PRKN: variants seen among roughly 807,000 people sequenced by gnomAD.
PRKN encodes parkin RBR E3 ubiquitin protein ligase, also known as E3 ubiquitin-protein ligase parkin.
Under a neutral mutation model 59.5 loss-of-function variants are expected in PRKN, and 56 were observed. The observed-to-expected ratio is 0.94, with a 90% CI of 0.76 to 1.18. The LOEUF is 1.18. Among genes scored for constraint, PRKN ranks in the 50% most tolerant of loss-of-function variants. The probability of loss-of-function intolerance (pLI) is 0.00; values close to 1 mark genes in which losing one functional copy is unlikely to be tolerated. For synonymous variants in PRKN, 250 were observed against 222.1 expected (o/e 1.13, Z -1.12); for missense variants, 657 against 596.4 (o/e 1.10, Z -1.06).
chr6:161,710,525 A>C lies in PRKN; in HGVS notation c.871+75247T>G, dbSNP rs138480959. On this transcript the variant is annotated intron_variant, in intron 7 of 11. Coordinates refer to ENST00000366898, the MANE Select transcript of PRKN (RefSeq NM_004562.3). ...AAGAACATAGGCATGGAGTGTGTGC[A>C]TATCTGTGTGCATGTGTATATGACT... Among the ~76,000 whole-genome samples, 380 of 152,192 alleles carry C rather than the reference A, an allele frequency of 2.5e-3. 1 individual carries two copies. Among genetic ancestry groups the C allele is most frequent in the African/African-American group, 7.9e-3 (327 of 41,514 alleles).
intron 1 of PRKN, among the ~76,000 whole-genome samples, chr6:162,579,416 G>GCACA (rs35480393): frequency 0.1 from 15,427 of 150,020 alleles, 918 homozygotes; most frequent in Middle Eastern, 0.19. Flanking sequence ...ACAAGTTCAT[G>GCACA]CACACACACA....
chr6:162,607,921 T>C (rs1289685070), intron 1 of PRKN, among the ~76,000 whole-genome samples: 1 of 152,200 alleles, frequency 6.6e-6, no homozygotes, highest in Non-Finnish European at 1.5e-5. Context: ...TGATCAGAGA[T>C]GCCTAGCAAG....
rs1382729827 is a variant in PRKN, at chr6:161,730,566, TTTCTGATGTGTTGCA to T, written c.871+55191_871+55205del. On this transcript the variant is annotated intron_variant, in intron 7 of 11. Coordinates refer to ENST00000366898, the MANE Select transcript of PRKN (RefSeq NM_004562.3). ...TGTTGCATTCTGATATGTTGCATTCTTTCTGATGTGTTGCATTCTGATGTGTTGCATTCTTTCTGA... is the reference window on the plus strand; with the variant it reads ...TGTTGCATTCTGATATGTTGCATTCTTTCTGATGTGTTGCATTCTTTCTGA... Among the ~76,000 whole-genome samples, 224 of 151,780 alleles carry T rather than the reference TTTCTGATGTGTTGCA, an allele frequency of 1.5e-3. 13 individuals are homozygous for T. Among genetic ancestry groups the T allele is most frequent in the African/African-American group, 5.3e-3 (217 of 41,070 alleles).
In PRKN at chr6:161,548,750, G is replaced by T; in HGVS notation, c.1083+104C>A. 2 of 1,107,210 alleles carry T rather than the reference G, an allele frequency of 1.8e-6. No individual in the cohort carries two copies. Among genetic ancestry groups the T allele is most frequent in the Middle Eastern group, 3.0e-4 (1 of 3,330 alleles). 68.6% of individuals were successfully genotyped at this position (1,107,210 alleles called of 1,614,324 possible). Reference sequence around the variant, plus strand: ...TATATGTAAGTTCAAAGATGTCTAAGTCCAAAGGGAAAATGAAAATAAAAT... The same window carrying T: ...TATATGTAAGTTCAAAGATGTCTAATTCCAAAGGGAAAATGAAAATAAAAT... On this transcript the variant is annotated intron_variant, in intron 9 of 11. Transcript: ENST00000366898. The surrounding 1 kb of genome is among the most constrained non-coding windows in gnomAD (Gnocchi z 4.2).
At position 161,529,868 on chromosome 6, in the gene PRKN, C is replaced by T. The variant is rs2115380303; in HGVS notation, c.1083+18986G>A. On this transcript the variant is annotated intron_variant, in intron 9 of 11. Transcript: ENST00000366898. The surrounding 1 kb of genome is among the most constrained non-coding windows in gnomAD (Gnocchi z 4.4). Reference sequence around the variant, plus strand: ...ACATTTTGATGATGAAGAAAAATACCACTTGACACAAATTAATGTCAATCC... The same window carrying T: ...ACATTTTGATGATGAAGAAAAATACTACTTGACACAAATTAATGTCAATCC... 6.6e-6 allele frequency among the ~76,000 whole-genome samples: 1 copy of T among 152,070 alleles called. No individual in the cohort carries two copies. The highest frequency in any genetic ancestry group is 1.9e-4 in the East Asian group (1 of 5,192).
chr6:161,583,828 A>G (rs1781431980), intron 7 of PRKN, among the ~76,000 whole-genome samples: 1 of 152,236 alleles, frequency 6.6e-6, no homozygotes, highest in Non-Finnish European at 1.5e-5. Flanking sequence ...CACCTTTGCA[A>G]TATCCTTGAG....
At chr6:162,320,260 G>C (rs1000964577) in intron 2 of PRKN, among the ~76,000 whole-genome samples, 1 of 148,866 alleles carries the variant, frequency 6.7e-6, no homozygotes, top group South Asian at 2.1e-4. Context: ...GAACAGTGCT[G>C]CAATAAACAC....
chr6:162,296,619 G>A (rs1781690593), intron 2 of PRKN, among the ~76,000 whole-genome samples: 2 of 152,062 alleles, frequency 1.3e-5, no homozygotes, highest in Non-Finnish European at 2.9e-5. Context: ...TCACATTGAG[G>A]TAAAGCAAAA....
At position 162,194,508 on chromosome 6, in the gene PRKN, A is replaced by T. The variant is rs183616650; in HGVS notation, c.534+6623T>A. Among the ~76,000 whole-genome samples, 3 of 152,294 alleles carry T rather than the reference A, an allele frequency of 2.0e-5. 1 individual carries two copies. In the East Asian group the frequency reaches 5.8e-4, roughly 29 times the overall value. Reference sequence around the variant, plus strand: ...AATGGCAGTAGCAGCATTTACTTACAATTTTAAATTCCTTCTACTGGCTGA... The same window carrying T: ...AATGGCAGTAGCAGCATTTACTTACTATTTTAAATTCCTTCTACTGGCTGA... On this transcript the variant is annotated intron_variant, in intron 4 of 11. Coordinates refer to ENST00000366898, the MANE Select transcript of PRKN (RefSeq NM_004562.3).
intron 6 of PRKN, among the ~76,000 whole-genome samples, chr6:161,911,421 C>T (rs1778356355): frequency 1.3e-5 from 2 of 152,128 alleles, no homozygotes; most frequent in Admixed American, 1.3e-4. Flanking sequence ...TTCCCACATT[C>T]TGTAGAAAAA....
At chr6:162,268,494 T>C (rs186706166) in intron 2 of PRKN, among the ~76,000 whole-genome samples, 220 of 152,318 alleles carry the variant, frequency 1.4e-3, no homozygotes, top group African/African-American at 5.2e-3. Flanking sequence ...GGTATTTTGT[T>C]ATAGCAAGAC....
At chr6:161,934,136 C>G (rs1779269304) in intron 6 of PRKN, among the ~76,000 whole-genome samples, 1 of 152,144 alleles carries the variant, frequency 6.6e-6, no homozygotes, top group South Asian at 2.1e-4. Flanking sequence ...GATAATGAGC[C>G]AGTTTTCAGG....
chr6:161,717,650 A>G (rs1470955341), intron 7 of PRKN, among the ~76,000 whole-genome samples: 1 of 152,206 alleles, frequency 6.6e-6, no homozygotes, highest in African/African-American at 2.4e-5. Context: ...TGGTCAGCAA[A>G]TCAATATTAG....
chr6:162,303,509 CATTA>C (rs947065137), intron 2 of PRKN, among the ~76,000 whole-genome samples: 2 of 152,070 alleles, frequency 1.3e-5, no homozygotes, highest in African/African-American at 4.8e-5. Context: ...TTCATAAATT[CATTA>C]ATTAACAAAC....
chr6:161,965,178 C>A (rs556008701), intron 6 of PRKN, among the ~76,000 whole-genome samples: 2 of 152,136 alleles, frequency 1.3e-5, no homozygotes, highest in African/African-American at 4.8e-5. Context: ...CCAAGTAAAT[C>A]TTTTAAGTCT....
intron 2 of PRKN, among the ~76,000 whole-genome samples, chr6:162,323,612 T>A (rs947164593): frequency 8.5e-5 from 13 of 152,094 alleles, no homozygotes; most frequent in African/African-American, 2.9e-4. Context: ...AAACACTTCA[T>A]CAAAGAAAAT....
At chr6:162,474,657 T>C (rs1182606374) in intron 1 of PRKN, among the ~76,000 whole-genome samples, 1 of 152,192 alleles carries the variant, frequency 6.6e-6, no homozygotes, top group Non-Finnish European at 1.5e-5. Context: ...CATAAAACAA[T>C]TTACTTGGAA....
intron 2 of PRKN, among the ~76,000 whole-genome samples, chr6:162,323,358 AGAT>A (rs1783115450): frequency 6.6e-6 from 1 of 152,006 alleles, no homozygotes; most frequent in Non-Finnish European, 1.5e-5. Flanking sequence ...AGAATTTCTT[AGAT>A]AATAATACAA....
At chr6:162,294,636 CTTT>C (rs1306303914) in intron 2 of PRKN, among the ~76,000 whole-genome samples, 1 of 152,076 alleles carries the variant, frequency 6.6e-6, no homozygotes, top group Non-Finnish European at 1.5e-5. Context: ...GAAATACAAC[CTTT>C]TGTTCTGACG....
Sources: gnomAD v4.1 joint callset for allele counts (sites outside exome capture counted in the v4.1 genomes callset) on GRCh38, gnomAD v4.1.1 for gene constraint, Gnocchi (gnomAD v3.1) non-coding constraint, MANE v1.5 for transcripts, NCBI Gene and HGNC (gene_info 2026-07-23, HGNC 2026-07-21) for gene names.